Variants in GLIPR1L2 observed in about 807,000 individuals in gnomAD.
GLIPR1L2 encodes the protein GLIPR1-like protein 2.
A neutral mutation model predicts 28.4 loss-of-function variants in GLIPR1L2; 21 were observed. The ratio of observed to expected loss-of-function variants is 0.74; its 90% CI spans 0.52 to 1.06. The LOEUF (loss-of-function observed/expected upper bound fraction) is 1.06, where lower values mean the gene tolerates loss of function less well. Ranked by LOEUF, GLIPR1L2 falls within the 50% of genes least tolerant of loss-of-function variation. The probability of loss-of-function intolerance (pLI) is 0.00; values close to 1 mark genes in which losing one functional copy is unlikely to be tolerated. For synonymous variants in GLIPR1L2, 145 were observed against 139.3 expected (o/e 1.04, Z -0.29); for missense variants, 476 against 416.9 (o/e 1.14, Z -1.23).
Position 75,405,090 on chromosome 12 carries a change from C to G in GLIPR1L2, c.235-5344C>G, listed in dbSNP as rs143233406. Among the ~76,000 whole-genome samples, 409 of 152,178 alleles carry G rather than the reference C, an allele frequency of 2.7e-3. 2 individuals carry two copies. The highest frequency in any genetic ancestry group is 9.4e-3 in the African/African-American group (392 of 41,526). On this transcript the variant is annotated intron_variant, in intron 1 of 5. Coordinates refer to ENST00000550916, the MANE Select transcript of GLIPR1L2 (RefSeq NM_001270396.2). ...CAAATAATTCACAGTAATTTACTTCCTAGTTTTTCTCTGTGAAATCAACGG... is the reference window on the plus strand; with the variant it reads ...CAAATAATTCACAGTAATTTACTTCGTAGTTTTTCTCTGTGAAATCAACGG...
intron 3 of GLIPR1L2, among the ~76,000 whole-genome samples, chr12:75,417,045 C>T (rs946302962): frequency 3.3e-5 from 5 of 152,002 alleles, no homozygotes; most frequent in Non-Finnish European, 5.9e-5. Flanking sequence ...TGGTGCCCCC[C>T]CTACCAACGT....
rs1469524470 is a variant in GLIPR1L2, at chr12:75,391,414, C to T, written c.234+64C>T. Reference sequence around the variant, plus strand: ...GTTGCCACAACGCCTCCCTGGATCTCGGGTAGTTGGGGCCACTGCTCTGAG... The same window carrying T: ...GTTGCCACAACGCCTCCCTGGATCTTGGGTAGTTGGGGCCACTGCTCTGAG... On this transcript the variant is annotated intron_variant, in intron 1 of 5. Transcript: ENST00000550916. 3.1e-6 allele frequency: 5 copies of T among 1,600,260 alleles called. No individual in the cohort carries two copies. The African/African-American group carries it at 5.4e-5, about 17-fold the overall frequency.
chr12:75,412,736 C>T (rs1269569751), intron 2 of GLIPR1L2, among the ~76,000 whole-genome samples: 2 of 151,798 alleles, frequency 1.3e-5, no homozygotes, highest in Admixed American at 1.3e-4. Flanking sequence ...AACACTTTTA[C>T]ACTGTTGGTG....
chr12:75,423,246 C>A, intron 4 of GLIPR1L2: 1 of 1,294,136 alleles, frequency 7.7e-7, no homozygotes, highest in South Asian at 2.4e-5. Flanking sequence ...TGAGAACTAA[C>A]AGTTATACCC....
At chr12:75,425,305 G>A (rs1255602123) in intron 4 of GLIPR1L2, among the ~76,000 whole-genome samples, 2 of 152,068 alleles carry the variant, frequency 1.3e-5, no homozygotes, top group East Asian at 3.9e-4. Flanking sequence ...AAGGAGAAGA[G>A]TCCATGTTGG....
chr12:75,426,735 A>G (rs1040080020), intron 4 of GLIPR1L2, among the ~76,000 whole-genome samples: 27 of 152,240 alleles, frequency 1.8e-4, no homozygotes, highest in African/African-American at 6.5e-4. Context: ...CTTCTCTACC[A>G]TAACAGTAAA....
intron 4 of GLIPR1L2, among the ~76,000 whole-genome samples, chr12:75,425,078 C>T (rs7973632): frequency 0.35 from 52,514 of 151,652 alleles, 9,485 homozygotes; most frequent in East Asian, 0.46. Context: ...AGTCAGAGAC[C>T]TCATGGAATG....
chr12:75,409,424 C>A lies in GLIPR1L2; in HGVS notation c.235-1010C>A, dbSNP rs536370521. ...TAAATGATGATAAAAGCACACATTT[C>A]TGGTTATTTCCAGATAGCTAGCCAG... On this transcript the variant is annotated intron_variant, in intron 1 of 5. Coordinates refer to ENST00000550916, the MANE Select transcript of GLIPR1L2 (RefSeq NM_001270396.2). Among the ~76,000 whole-genome samples the A allele has an allele frequency of 2.0e-5, 3 of 151,758 alleles. No individual in the cohort carries two copies. The East Asian group carries it at 5.8e-4, about 29-fold the overall frequency.
chr12:75,409,818 TAA>T lies in GLIPR1L2; in HGVS notation c.235-615_235-614del, dbSNP rs369982082. Among the ~76,000 whole-genome samples the T allele has an allele frequency of 2.8e-4, 42 of 147,454 alleles. No individual in the cohort carries two copies. In the South Asian group the frequency reaches 4.7e-3, roughly 16 times the overall value. On this transcript the variant is annotated intron_variant, in intron 1 of 5. Transcript: ENST00000550916. The stretch of plus-strand genomic sequence containing the variant: ...AGATGTATATCTAATCTGATATATA[TAA>T]GATGTATATCTAATCCGATATATAT...
Position 75,410,474 on chromosome 12 carries a change from GA to G in GLIPR1L2, c.282del (p.Lys94AsnfsTer105), listed in dbSNP as rs781330948. 33 of 1,609,060 alleles carry G rather than the reference GA, an allele frequency of 2.1e-5. No individual in the cohort carries two copies. The highest frequency in any genetic ancestry group is 3.3e-5 in the South Asian group (3 of 90,594). ...VALSRTARAWGKKCLFTHNIY... is the reference protein window; with the variant it reads ...VALSRTARAWXKKCLFTHNIY... ...TTATCACGGACTGCTAGAGCATGGG[GA>G]AAAAAATGTTTGTTTACGCATAATA... is the stretch of plus-strand genomic sequence containing the variant. On this transcript the variant is annotated frameshift_variant, in exon 2 of 6. Transcript: ENST00000550916. LOFTEE classifies it high-confidence loss of function.
rs188983985 is a variant in GLIPR1L2, at chr12:75,408,636, G to T, written c.235-1798G>T. On this transcript the variant is annotated intron_variant, in intron 1 of 5. Transcript: ENST00000550916. ...TCTAAAGGTCTATTAATGGTGAAAT[G>T]GTTACATTTATTATAGGTATCCGTG... Among the ~76,000 whole-genome samples, 7 of 152,060 alleles carry T rather than the reference G, an allele frequency of 4.6e-5. No individual in the cohort carries two copies. In the East Asian group the frequency reaches 9.6e-4, roughly 21 times the overall value.
chr12:75,431,157 A>C lies in GLIPR1L2; in HGVS notation c.1031A>C (p.Lys344Thr). ...AAAGAAAAGATGGAGGAAGAGGAAAAATAAGAGTAGAAAGAGGAGGAAAAA... is the reference window on the plus strand; with the variant it reads ...AAAGAAAAGATGGAGGAAGAGGAAACATAAGAGTAGAAAGAGGAGGAAAAA... Reference protein sequence around the residue: ...TQKEKMEEEEK With the variant: ...TQKEKMEEEET The change falls in exon 6 of 6, where the codon AAA becomes ACA. Residue 344 changes from lysine (K) to threonine (T), a missense_variant. Physicochemically the swap from Lys to Thr is moderately conservative, Grantham distance 78. Transcript: ENST00000550916. 1 of 745,112 alleles carries C rather than the reference A, an allele frequency of 1.3e-6. No individual in the cohort carries two copies. The highest frequency in any genetic ancestry group is 1.6e-5 in the South Asian group (1 of 62,772). The allele number at this position is 745,112 out of a possible 1,614,324, so 46.2% of individuals were successfully genotyped here.
rs1478442101 is a variant in GLIPR1L2 at position 75,391,103 on chromosome 12, G to A, written c.-14G>A. 1.9e-6 allele frequency: 3 copies of A among 1,596,308 alleles called. No individual in the cohort carries two copies. In the South Asian group the frequency reaches 3.3e-5, roughly 18 times the overall value. ...CCAGCGCGTGCGCACTGGCCTGTCA[G>A]CGGCCGGTGGACCATGGAGGCCGCA... is the stretch of plus-strand genomic sequence containing the variant. On this transcript the variant is annotated 5_prime_UTR_variant, in exon 1 of 6. Coordinates refer to ENST00000550916, the MANE Select transcript of GLIPR1L2 (RefSeq NM_001270396.2).
chr12:75,429,574 A>G (rs1274227553), intron 4 of GLIPR1L2, among the ~76,000 whole-genome samples: 1 of 152,156 alleles, frequency 6.6e-6, no homozygotes, highest in Admixed American at 6.5e-5. Context: ...TTGTGTTTTG[A>G]AATGTGAGAA....
At chr12:75,403,892 A>C (rs968439712) in intron 1 of GLIPR1L2, among the ~76,000 whole-genome samples, 1 of 152,184 alleles carries the variant, frequency 6.6e-6, no homozygotes, top group Admixed American at 6.5e-5. Flanking sequence ...AAGAGACTAG[A>C]TATTTGATCT....
At chr12:75,392,784 A>G (rs1026821736) in intron 1 of GLIPR1L2, among the ~76,000 whole-genome samples, 15 of 152,204 alleles carry the variant, frequency 9.9e-5, no homozygotes, top group Non-Finnish European at 2.1e-4. Context: ...ATATACCTGT[A>G]TACCCACAAT....
rs1222038105 is a variant in GLIPR1L2 at position 75,391,605 on chromosome 12, G to T, written c.234+255G>T. The T allele has an allele frequency of 2.5e-6, 3 of 1,221,274 alleles. No individual in the cohort carries two copies. In the African/African-American group the frequency reaches 4.5e-5, roughly 19 times the overall value. 75.7% of individuals were successfully genotyped at this position (1,221,274 alleles called of 1,614,324 possible). A position where few individuals can be genotyped will look rare whatever the true frequency, so the allele number is the denominator to read the frequency against. ...ACTGGCCTGAAGTGCAGATTTTAAGGGGGCGCCAATTCAAGAAAATGATAT... is the reference window on the plus strand; with the variant it reads ...ACTGGCCTGAAGTGCAGATTTTAAGTGGGCGCCAATTCAAGAAAATGATAT... On this transcript the variant is annotated intron_variant, in intron 1 of 5. Coordinates refer to ENST00000550916, the MANE Select transcript of GLIPR1L2 (RefSeq NM_001270396.2).
chr12:75,413,182 C>T (rs1465046370), intron 2 of GLIPR1L2, among the ~76,000 whole-genome samples: 8 of 149,868 alleles, frequency 5.3e-5, no homozygotes, highest in Non-Finnish European at 1.0e-4. Context: ...ACATCACACT[C>T]CGGGGCCTGT....
chr12:75,429,976 G>A lies in GLIPR1L2; in HGVS notation c.671-739G>A, dbSNP rs375332407. On this transcript the variant is annotated intron_variant, in intron 4 of 5. Coordinates refer to ENST00000550916, the MANE Select transcript of GLIPR1L2 (RefSeq NM_001270396.2). ...TTTTGAGACAGAGTCTTGCTCTGTC[G>A]CCAGGCTGGAGTGTAATGGCACCAT... Among the ~76,000 whole-genome samples the A allele has an allele frequency of 3.1e-4, 40 of 129,848 alleles. No homozygotes were observed. In the East Asian group the frequency reaches 4.3e-3, roughly 14 times the overall value. 85.2% of individuals were successfully genotyped at this position (129,848 alleles called of 152,430 possible).
Sources: gnomAD v4.1 joint callset for allele counts (sites outside exome capture counted in the v4.1 genomes callset) on GRCh38, gnomAD v4.1.1 for gene constraint, MANE v1.5 for transcripts, NCBI Gene and HGNC (gene_info 2026-07-23, HGNC 2026-07-21) for gene names.